Variants in ICE2 observed in about 807,000 individuals in gnomAD.
The protein encoded by ICE2 is little elongation complex subunit 2.
ICE2 carries 87 observed loss-of-function variants against 105.4 expected under a neutral mutation model. The ratio of observed to expected loss-of-function variants is 0.83; its 90% confidence interval spans 0.69 to 0.99. The LOEUF (loss-of-function observed/expected upper bound fraction) is 0.99. Ranked by LOEUF, ICE2 falls within the 50% of genes least tolerant of loss-of-function variation. ICE2 has a pLI of 0.00. For missense variants in ICE2, 1,323 were observed against 1,146.7 expected (o/e 1.15, Z -2.22); for synonymous variants, 399 against 392.0 (o/e 1.02, Z -0.21).
chr15:60,473,628 T>C (rs12917485), intron 3 of ICE2, among the ~76,000 whole-genome samples: 8,709 of 152,184 alleles, frequency 0.057, 350 homozygotes, highest in Non-Finnish European at 0.092. Context: ...AGACATATGT[T>C]CTCTAAATCC....
chr15:60,435,985 C>T (rs565033498), intron 13 of ICE2, among the ~76,000 whole-genome samples, 158 bp downstream of exon 13: 1 of 149,376 alleles, frequency 6.7e-6, no homozygotes, highest in Non-Finnish European at 1.5e-5. Flanking sequence ...ACACAAAGAA[C>T]AAAAAAAAAG....
At chr15:60,427,776 A>G (rs1206383786) in intron 15 of ICE2, among the ~76,000 whole-genome samples, 1 of 152,246 alleles carries the variant, frequency 6.6e-6, no homozygotes, top group Non-Finnish European at 1.5e-5. Context: ...AATATACAGA[A>G]TGAGTGACAT....
At chr15:60,437,117 T>C (rs960509096) in intron 12 of ICE2, among the ~76,000 whole-genome samples, 2 of 151,846 alleles carry the variant, frequency 1.3e-5, no homozygotes, top group South Asian at 2.1e-4. Context: ...TAGCCAGGCA[T>C]GGTGGTGGGC....
intron 5 of ICE2, among the ~76,000 whole-genome samples, chr15:60,463,722 A>G (rs2064343422): frequency 6.6e-6 from 1 of 152,248 alleles, no homozygotes; most frequent in African/African-American, 2.4e-5. Flanking sequence ...GTGGGCTGAG[A>G]TCGTGCCATT....
chr15:60,448,193 A>G, intron 10 of ICE2, 48 bp from the exon 11 acceptor site: 1 of 1,210,888 alleles, frequency 8.3e-7, no homozygotes, highest in Admixed American at 2.2e-5. Context: ...GCTCTTACCC[A>G]TCATAAGCAA....
rs2063239185 is a variant in ICE2, at chr15:60,421,149, C to T, written c.*2485G>A. ...GTGTGTATAAATTACACCTTCACTG[C>T]TGAGGTATAAATGGGCCAGGGTGAT... is the stretch of plus-strand genomic sequence containing the variant. On this transcript the variant is annotated 3_prime_UTR_variant, in exon 16 of 16. Coordinates refer to ENST00000261520, the MANE Select transcript of ICE2 (RefSeq NM_024611.6). 6.6e-6 allele frequency: 1 copy of T among 151,830 alleles called. No homozygotes were observed. The highest frequency in any genetic ancestry group is 2.4e-5 in the African/African-American group (1 of 41,302). The allele number at this position is 151,830 out of a possible 1,614,324, so 9.4% of individuals were successfully genotyped here. A position where few individuals can be genotyped will look rare whatever the true frequency, so the allele number is the denominator to read the frequency against.
At chr15:60,428,298 T>C in intron 15 of ICE2, 131 bp downstream of exon 15, 2 of 1,021,270 alleles carry the variant, frequency 2.0e-6, no homozygotes, top group Non-Finnish European at 2.8e-6. Flanking sequence ...ATCCTTCCTA[T>C]GGATATAGCT....
intron 8 of ICE2, chr15:60,454,769 T>C (rs985892685): frequency 8.0e-6 from 3 of 377,258 alleles, no homozygotes; most frequent in African/African-American, 6.3e-5. Context: ...ACATGTGCCA[T>C]GGTGGTTTGC....
At chr15:60,445,524 A>T in intron 11 of ICE2, 1 of 942,018 alleles carries the variant, frequency 1.1e-6, no homozygotes, top group African/African-American at 1.8e-5. Flanking sequence ...GAAAATTTTA[A>T]AATTTTATTC....
chr15:60,453,830 G>A, intron 8 of ICE2, 46 bp from the exon 9 acceptor site: 4 of 1,440,368 alleles, frequency 2.8e-6, no homozygotes, highest in Non-Finnish European at 3.8e-6. Flanking sequence ...ATCTAATTGT[G>A]ATATATTTTT....
chr15:60,434,456 A>T (rs1006430116), intron 13 of ICE2, among the ~76,000 whole-genome samples: 1 of 151,930 alleles, frequency 6.6e-6, no homozygotes, highest in Non-Finnish European at 1.5e-5. Flanking sequence ...GGAGATGGAG[A>T]TAATATAAAC....
At chr15:60,428,869 A>G (rs558627835) in intron 14 of ICE2, among the ~76,000 whole-genome samples, 182 bp from the exon 15 acceptor site, 2 of 152,222 alleles carry the variant, frequency 1.3e-5, no homozygotes, top group African/African-American at 4.8e-5. Flanking sequence ...TTTTTAGGCA[A>G]CTAATTTTAA....
chr15:60,443,527 G>C (rs1204354189), intron 11 of ICE2, among the ~76,000 whole-genome samples: 1 of 152,152 alleles, frequency 6.6e-6, no homozygotes, highest in Non-Finnish European at 1.5e-5. Flanking sequence ...CATGTGATTT[G>C]CCCTTGAACT....
At position 60,453,693 on chromosome 15, in the gene ICE2, A is replaced by C; in HGVS notation, c.1035T>G (p.Val345=). 1.2e-6 allele frequency: 2 copies of C among 1,612,832 alleles called. No homozygotes were observed. The highest frequency in any genetic ancestry group is 1.7e-6 in the Non-Finnish European group (2 of 1,178,882). Residue 345 remains valine, a synonymous_variant, in exon 9 of 16, where the codon GTT becomes GTG. Transcript: ENST00000261520. ...TTTTGGACATCATAAATTTTAATGG[A>C]ACTTCATGAAAGATTTGATTTCTCT... ...MRERNQIFHE[V]PLKFMMSKNT... is the part of the protein sequence containing the mutation.
At chr15:60,445,717 A>G in intron 11 of ICE2, 2 of 985,198 alleles carry the variant, frequency 2.0e-6, no homozygotes, top group Non-Finnish European at 2.4e-6. Context: ...CAAGAATTAA[A>G]CTGGTATCCA....
intron 15 of ICE2, 106 bp downstream of exon 15, chr15:60,428,323 G>A: frequency 8.2e-7 from 1 of 1,213,784 alleles, no homozygotes; most frequent in Non-Finnish European, 1.2e-6. Context: ...GAATGGTGCT[G>A]TGATTAATAT....
At chr15:60,468,386 T>C in intron 3 of ICE2, 64 bp from the exon 4 acceptor site, 1 of 1,242,678 alleles carries the variant, frequency 8.0e-7, no homozygotes. Context: ...TCATGGAACT[T>C]CATGATTCTC....
intron 9 of ICE2, among the ~76,000 whole-genome samples, chr15:60,450,125 C>A (rs747322527): frequency 2.0e-5 from 3 of 152,068 alleles, no homozygotes; most frequent in Admixed American, 2.0e-4. Context: ...GGAATTTCAA[C>A]GAATCAAAAA....
rs1240565905 is a variant in ICE2 at position 60,442,564 on chromosome 15, C to T, written c.2296-19G>A. 7 of 1,553,142 alleles carry T rather than the reference C, an allele frequency of 4.5e-6. No individual in the cohort carries two copies. Among genetic ancestry groups the T allele is most frequent in the Non-Finnish European group, 6.1e-6 (7 of 1,154,848 alleles). ...GAAATTGCTGCAATGCAAAATTATA[C>T]TTTTTCAAAGCTCTATTAATTTACT... is the stretch of plus-strand genomic sequence containing the variant. On this transcript the variant is annotated intron_variant, in intron 11 of 15. Coordinates refer to ENST00000261520, the MANE Select transcript of ICE2 (RefSeq NM_024611.6).
Sources: gnomAD v4.1 joint callset for allele counts (sites outside exome capture counted in the v4.1 genomes callset) on GRCh38, gnomAD v4.1.1 for gene constraint, MANE v1.5 for transcripts, NCBI Gene and HGNC (gene_info 2026-07-23, HGNC 2026-07-21) for gene names.